The following MED23 variants were observed in gnomAD, a reference collection of about 807,000 sequenced individuals.
The protein encoded by MED23 is mediator complex subunit 23.
A neutral mutation model predicts 163.9 loss-of-function variants in MED23; 105 were observed. The observed-to-expected ratio is 0.64, with a 90% CI of 0.55 to 0.75. The LOEUF (loss-of-function observed/expected upper bound fraction) is 0.75. MED23 is among the 30% of genes least tolerant of loss of function. The probability of loss-of-function intolerance (pLI) is 0.00; values close to 1 mark genes in which losing one functional copy is unlikely to be tolerated. For synonymous variants in MED23, 561 were observed against 565.6 expected (o/e 0.99, Z 0.12); for missense variants, 1,054 against 1,649.0 (o/e 0.64, Z 6.25).
chr6:131,627,325 A>T, intron 3 of MED23, 71 bp downstream of exon 3: 1 of 1,113,252 alleles, frequency 9.0e-7, no homozygotes, highest in Non-Finnish European at 1.3e-6. Context: ...AGTAAATGTT[A>T]AAAGAAAAAA....
chr6:131,604,096 C>T, intron 15 of MED23, 82 bp downstream of exon 15: 1 of 1,428,400 alleles, frequency 7.0e-7, no homozygotes, highest in East Asian at 2.3e-5. Context: ...TTGTTCTCTG[C>T]TGTGTCCCCA....
At chr6:131,575,072 G>C (rs531544697) in intron 30 of MED23, among the ~76,000 whole-genome samples, 1 of 152,302 alleles carries the variant, frequency 6.6e-6, no homozygotes, top group East Asian at 1.9e-4. Flanking sequence ...TGGGCAGATA[G>C]AGCAAGCAAG....
At chr6:131,590,241 G>T in intron 27 of MED23, 81 bp downstream of exon 27, 1 of 1,371,646 alleles carries the variant, frequency 7.3e-7, no homozygotes, top group Non-Finnish European at 1.0e-6. Context: ...GTGACCTGCA[G>T]TTTCAATAAC....
intron 12 of MED23, 75 bp downstream of exon 12, chr6:131,607,853 A>T: frequency 6.6e-7 from 1 of 1,515,428 alleles, no homozygotes; most frequent in Non-Finnish European, 9.1e-7. Flanking sequence ...ACAAAATCAC[A>T]CTAAAATCCT....
At chr6:131,579,893 T>C (rs1773832098) in intron 30 of MED23, among the ~76,000 whole-genome samples, 1 of 152,084 alleles carries the variant, frequency 6.6e-6, no homozygotes, top group Admixed American at 6.6e-5. Flanking sequence ...GTCTATGTTG[T>C]GTTCTCACTC....
chr6:131,619,226 A>G (rs1323851003), intron 8 of MED23, among the ~76,000 whole-genome samples: 1 of 152,220 alleles, frequency 6.6e-6, no homozygotes, highest in African/African-American at 2.4e-5. Flanking sequence ...TATTTTCAGT[A>G]TCTAGAATAG....
chr6:131,596,174 G>C lies in MED23; in HGVS notation c.2779-11C>G. ...CTTCTCTGGATATTTCTGTGGAATTGAGAAGATGATAAATGGTTAGAGCAT... is the reference window on the plus strand; with the variant it reads ...CTTCTCTGGATATTTCTGTGGAATTCAGAAGATGATAAATGGTTAGAGCAT... On this transcript the variant is annotated splice_polypyrimidine_tract_variant and intron_variant, in intron 21 of 28. Coordinates refer to ENST00000368068, the MANE Select transcript of MED23 (RefSeq NM_004830.4). 6.2e-7 allele frequency: 1 copy of C among 1,610,016 alleles called. No homozygotes were observed. The highest frequency in any genetic ancestry group is 8.5e-7 in the Non-Finnish European group (1 of 1,176,304).
intron 26 of MED23, 50 bp from the exon 27 acceptor site, chr6:131,590,492 T>A: frequency 1.4e-6 from 2 of 1,431,138 alleles, no homozygotes; most frequent in Non-Finnish European, 2.0e-6. Context: ...ATTTAAATTG[T>A]TTGAATTTTG....
intron 2 of MED23, 39 bp downstream of exon 2, chr6:131,627,602 T>A: frequency 1.2e-6 from 2 of 1,608,606 alleles, no homozygotes; most frequent in South Asian, 1.1e-5. Flanking sequence ...ACAGACACAA[T>A]CACATAAAAA....
downstream of MED23, chr6:131,582,824 C>CAA (rs1774003916): frequency 1.1e-6 from 1 of 917,470 alleles, no homozygotes; most frequent in South Asian, 1.3e-5. Context: ...GACACACACA[C>CAA]ACACACATGC....
rs1585401474 is a variant in MED23 at position 131,576,496 on chromosome 6, G to A, written c.4096-2201C>T. The A allele has an allele frequency of 9.0e-6, 6 of 666,742 alleles. No individual in the cohort carries two copies. In the East Asian group the frequency reaches 1.7e-4, roughly 19 times the overall value. The allele number at this position is 666,742 out of a possible 1,614,324, so 41.3% of individuals were successfully genotyped here. A position where few individuals can be genotyped will look rare whatever the true frequency, so the allele number is the denominator to read the frequency against. ...TTCTATTTGGCATAAAAGTCATTCA[G>A]TCTACCTTGCTGTGAAGATTAAAAG... On this transcript the variant is annotated intron_variant, in intron 30 of 30. Coordinates refer to the MED23 transcript ENST00000354577.
chr6:131,586,010 T>C (rs541017617), downstream of MED23, among the ~76,000 whole-genome samples: 1 of 152,208 alleles, frequency 6.6e-6, no homozygotes, highest in Non-Finnish European at 1.5e-5. Flanking sequence ...CAAAAAGCAA[T>C]AAATTCCTCA....
chr6:131,585,355 T>C (rs777729704), downstream of MED23, among the ~76,000 whole-genome samples: 8 of 152,224 alleles, frequency 5.3e-5, no homozygotes, highest in Non-Finnish European at 7.3e-5. Context: ...TGTGTTTTTG[T>C]TTTAACAGCT....
chr6:131,590,402 A>G lies in MED23; in HGVS notation c.3727T>C (p.Phe1243Leu). The G allele has an allele frequency of 6.2e-7, 1 of 1,608,782 alleles. No homozygotes were observed. The highest frequency in any genetic ancestry group is 8.5e-7 in the Non-Finnish European group (1 of 1,175,350). The change falls in exon 27 of 29, where the codon TTC becomes CTC. Residue 1243 changes from phenylalanine (F) to leucine (L), a missense_variant. Transcript: ENST00000368068. Reference protein sequence around the residue: ...EVLLPIVKTEFQLLYVYHLVG... With the variant: ...EVLLPIVKTELQLLYVYHLVG... ...AGATGGTATACATAAAGCAACTGGA[A>G]TTCGGTCTTCACTATAGGAAGAAGT...
intron 6 of MED23, among the ~76,000 whole-genome samples, chr6:131,621,337 T>C (rs1004741746): frequency 2.6e-5 from 4 of 151,830 alleles, no homozygotes; most frequent in Non-Finnish European, 5.9e-5. Flanking sequence ...AAAATAAGTA[T>C]ATATAATATA....
At chr6:131,605,588 C>T (rs1775798380) in intron 13 of MED23, 103 bp from the exon 14 acceptor site, 3 of 1,078,628 alleles carry the variant, frequency 2.8e-6, no homozygotes, top group Non-Finnish European at 3.9e-6. Flanking sequence ...TTTATTAATG[C>T]TATCTTTGTT....
chr6:131,583,078 A>C (rs1774018427), downstream of MED23: 1 of 1,612,908 alleles, frequency 6.2e-7, no homozygotes. Flanking sequence ...TGAAAACTCT[A>C]GGCATTAAAT....
At chr6:131,611,340 A>G (rs1776263373) in intron 10 of MED23, among the ~76,000 whole-genome samples, 1 of 152,182 alleles carries the variant, frequency 6.6e-6, no homozygotes, top group Non-Finnish European at 1.5e-5. Flanking sequence ...ATATAGCTGT[A>G]GTTTCTTAAA....
chr6:131,615,282 C>A, intron 10 of MED23: 2 of 1,602,778 alleles, frequency 1.2e-6, no homozygotes, highest in Non-Finnish European at 8.5e-7. Context: ...AAGCGGCCAG[C>A]GTATCGTTAG....
Sources: gnomAD v4.1 joint callset for allele counts (sites outside exome capture counted in the v4.1 genomes callset) on GRCh38, gnomAD v4.1.1 for gene constraint, MANE v1.5 for transcripts, NCBI Gene and HGNC (gene_info 2026-07-23, HGNC 2026-07-21) for gene names.